The following STX8 variants were observed in gnomAD, a reference collection of about 807,000 sequenced individuals.
STX8 encodes syntaxin 8.
Under a neutral mutation model 37.5 loss-of-function variants are expected in STX8, and 23 were observed. The ratio of observed to expected loss-of-function variants is 0.61; its 90% CI spans 0.44 to 0.87. The LOEUF (loss-of-function observed/expected upper bound fraction) is 0.87, where lower values mean the gene tolerates loss of function less well. Among genes scored for constraint, STX8 ranks in the 40% least tolerant of loss-of-function variants. STX8 has a pLI of 0.00. For synonymous variants in STX8, 115 were observed against 99.1 expected, an observed-to-expected ratio of 1.16 and a Z score of -0.95; for missense variants, 313 against 284.7, an observed-to-expected ratio of 1.10 and a Z score of -0.71.
chr17:9,407,437 T>C lies in STX8; in HGVS notation c.542-28784A>G, dbSNP rs111881648. On this transcript the variant is annotated intron_variant, in intron 6 of 7. Coordinates refer to ENST00000306357, the MANE Select transcript of STX8 (RefSeq NM_004853.3). The stretch of plus-strand genomic sequence containing the variant: ...AACAACAAAAACCACAACCAAACAA[T>C]AGAAATGTGTTGACAAAAGGAGTCA... Among the ~76,000 whole-genome samples, 51 of 152,202 alleles carry C rather than the reference T, an allele frequency of 3.4e-4. 1 individual carries two copies. The highest frequency in any genetic ancestry group is 1.1e-3 in the African/African-American group (46 of 41,514).
At chr17:9,571,921 A>T (rs531417784) in intron 1 of STX8, among the ~76,000 whole-genome samples, 48 of 139,526 alleles carry the variant, frequency 3.4e-4, no homozygotes, top group African/African-American at 1.3e-3. Context: ...TCTCAAAATT[A>T]AAAAAAAAAA....
intron 7 of STX8, among the ~76,000 whole-genome samples, chr17:9,251,372 C>A (rs1022485792): frequency 1.3e-5 from 2 of 152,254 alleles, no homozygotes; most frequent in African/African-American, 4.8e-5. Flanking sequence ...AATGAGCTCA[C>A]TGTCTCCCAT....
intron 4 of STX8, among the ~76,000 whole-genome samples, chr17:9,518,170 T>C (rs978204712): frequency 6.6e-6 from 1 of 152,108 alleles, no homozygotes; most frequent in Non-Finnish European, 1.5e-5. Flanking sequence ...GAATAACCTA[T>C]GCTCACCAAC....
intron 7 of STX8, among the ~76,000 whole-genome samples, chr17:9,272,248 T>A (rs1008580724): frequency 6.6e-6 from 1 of 152,262 alleles, no homozygotes; most frequent in Non-Finnish European, 1.5e-5. Flanking sequence ...CGGGCTTTGC[T>A]GTGTCACATC....
At chr17:9,343,225 CTG>C (rs771243130) in intron 7 of STX8, among the ~76,000 whole-genome samples, 37 of 152,220 alleles carry the variant, frequency 2.4e-4, no homozygotes, top group Non-Finnish European at 4.4e-4. Flanking sequence ...CCAAACCACA[CTG>C]TTGCCCCGGG....
In STX8 at chr17:9,471,397, T is replaced by C. The variant is rs1023958571; in HGVS notation, c.541+20432A>G. Among the ~76,000 whole-genome samples, 11 of 151,918 alleles carry C rather than the reference T, an allele frequency of 7.2e-5. No homozygotes were observed. The East Asian group carries it at 1.8e-3, about 24-fold the overall frequency. On this transcript the variant is annotated intron_variant, in intron 6 of 7. Transcript: ENST00000306357. Reference sequence around the variant, plus strand: ...CGAACTCCTGACCTCATGATCCACCTACCTCGGCCTCCCAAAGTGCTGGGA... The same window carrying C: ...CGAACTCCTGACCTCATGATCCACCCACCTCGGCCTCCCAAAGTGCTGGGA...
In STX8 at chr17:9,545,275, G is replaced by A. The variant is rs778484159; in HGVS notation, c.220C>T (p.Leu74Phe). Residue 74 changes from leucine (L) to phenylalanine (F), a missense_variant, in exon 4 of 8, where the codon CTT becomes TTT. Physicochemically the swap from Leu to Phe is conservative, Grantham distance 22. Transcript: ENST00000306357. ...RAVSTHQITQ[L>F]EGDRRQNLLD... ...AGGTTCTGTCTTCGGTCCCCTTCAA[G>A]CTGTGTTCTGCAGATATCTTGTTAA... 1 of 1,611,680 alleles carries A rather than the reference G, an allele frequency of 6.2e-7. No homozygotes were observed. Among genetic ancestry groups the A allele is most frequent in the Non-Finnish European group, 8.5e-7 (1 of 1,178,268 alleles).
At chr17:9,426,365 A>G (rs1270939615) in intron 6 of STX8, among the ~76,000 whole-genome samples, 1 of 152,078 alleles carries the variant, frequency 6.6e-6, no homozygotes. Context: ...TGTCTCTACT[A>G]AAAATACAAA....
intron 6 of STX8, among the ~76,000 whole-genome samples, chr17:9,402,285 A>G (rs1912652638): frequency 6.6e-6 from 1 of 151,808 alleles, no homozygotes; most frequent in Non-Finnish European, 1.5e-5. Flanking sequence ...ATGTCTGGCA[A>G]ATTTTTTGTA....
chr17:9,557,567 GA>G (rs1416569667), intron 2 of STX8, 39 bp from the exon 3 acceptor site: 5 of 1,567,882 alleles, frequency 3.2e-6, no homozygotes, highest in Non-Finnish European at 4.4e-6. Flanking sequence ...TTCTAGTCCA[GA>G]ATGTAGAATC....
intron 4 of STX8, among the ~76,000 whole-genome samples, chr17:9,525,424 G>A (rs1218934739): frequency 6.6e-6 from 1 of 151,098 alleles, no homozygotes; most frequent in Non-Finnish European, 1.5e-5. Flanking sequence ...TCGGCTCACT[G>A]CAAGCTCCAC....
chr17:9,311,539 A>G (rs964916727), intron 7 of STX8, among the ~76,000 whole-genome samples: 3 of 152,248 alleles, frequency 2.0e-5, no homozygotes, highest in African/African-American at 7.2e-5. Flanking sequence ...TATCCATGAA[A>G]TGAGGCACAT....
intron 6 of STX8, among the ~76,000 whole-genome samples, chr17:9,447,422 C>A (rs1042638308): frequency 6.6e-5 from 10 of 152,064 alleles, no homozygotes; most frequent in African/African-American, 2.4e-4. Context: ...AGGAGTTGTT[C>A]TTTTGTTTTT....
chr17:9,380,378 G>A (rs1911754827), intron 6 of STX8, among the ~76,000 whole-genome samples: 1 of 150,144 alleles, frequency 6.7e-6, no homozygotes, highest in African/African-American at 2.5e-5. Context: ...TCAACCTCCT[G>A]AGTAGCTGAG....
chr17:9,428,401 C>T (rs769661012), intron 6 of STX8, among the ~76,000 whole-genome samples: 5 of 152,068 alleles, frequency 3.3e-5, no homozygotes, highest in Non-Finnish European at 5.9e-5. Context: ...CCACCACGCC[C>T]GGCTAATTTT....
intron 7 of STX8, among the ~76,000 whole-genome samples, chr17:9,259,495 A>G (rs2142124604): frequency 6.6e-6 from 1 of 152,332 alleles, no homozygotes; most frequent in East Asian, 1.9e-4. Context: ...GTGTAGAAAC[A>G]GAGGGAGCAA....
chr17:9,426,765 A>C (rs1913646580), intron 6 of STX8, among the ~76,000 whole-genome samples: 1 of 152,200 alleles, frequency 6.6e-6, no homozygotes, highest in African/African-American at 2.4e-5. Context: ...GTCTCAAAAA[A>C]TAAAGTAAAA....
At chr17:9,390,902 G>A (rs1912196361) in intron 6 of STX8, among the ~76,000 whole-genome samples, 2 of 150,930 alleles carry the variant, frequency 1.3e-5, no homozygotes, top group African/African-American at 2.4e-5. Flanking sequence ...AGGCAAAACA[G>A]TTAAACGCAA....
intron 6 of STX8, among the ~76,000 whole-genome samples, chr17:9,419,625 G>A (rs184761512): frequency 2.3e-4 from 35 of 152,278 alleles, no homozygotes; most frequent in Non-Finnish European, 4.3e-4. Flanking sequence ...TACATTGCAT[G>A]GTGAAAACCT....
Sources: allele counts gnomAD v4.1 joint callset (sites outside exome capture counted in the v4.1 genomes callset), GRCh38; gene constraint gnomAD v4.1.1; transcripts MANE v1.5; gene names NCBI Gene and HGNC (gene_info 2026-07-23, HGNC 2026-07-21).